The following RIC1 variants were observed in gnomAD, a reference collection of about 807,000 sequenced individuals.
The protein encoded by RIC1 is guanine nucleotide exchange factor subunit RIC1.
RIC1 carries 88 observed loss-of-function variants against 169.0 expected under a neutral mutation model. The observed-to-expected ratio is 0.52, with a 90% CI of 0.44 to 0.62. RIC1 has a LOEUF of 0.62. Ranked by LOEUF, RIC1 falls within the 20% of genes least tolerant of loss-of-function variation. The probability of loss-of-function intolerance (pLI) is 0.00; values close to 1 mark genes in which losing one functional copy is unlikely to be tolerated. For missense variants in RIC1, 1,877 were observed against 1,725.5 expected, an observed-to-expected ratio of 1.09 and a Z score of -1.56; for synonymous variants, 790 against 601.5, an observed-to-expected ratio of 1.31 and a Z score of -4.59.
At chr9:5,651,119 C>G (rs901444942) in intron 1 of RIC1, among the ~76,000 whole-genome samples, 2 of 152,126 alleles carry the variant, frequency 1.3e-5, no homozygotes, top group Admixed American at 6.5e-5. Context: ...GTCTCTGGAC[C>G]CCCTCTCTGT....
chr9:5,660,602 A>G (rs1388555755), intron 2 of RIC1, among the ~76,000 whole-genome samples: 1 of 152,092 alleles, frequency 6.6e-6, no homozygotes, highest in East Asian at 1.9e-4. Context: ...TCTAATAATC[A>G]GTGATGTTGA....
Position 5,763,313 on chromosome 9 carries a change from C to T in RIC1, c.2286C>T (p.Ser762=). Residue 762 remains serine (S), a synonymous_variant, in exon 19 of 26, where the codon TCC becomes TCT. Coordinates refer to ENST00000414202, the MANE Select transcript of RIC1 (RefSeq NM_020829.4). The surrounding 1 kb of genome is among the most constrained non-coding windows in gnomAD (Gnocchi z 5.2). ...CTAGGGATCACCGCAAGCCCCATTC[C>T]TTCTTGTCCCAGCGGATCATGCTGC... ...LFPRDHRKPH[S]FLSQRIMLPF... 6.2e-7 allele frequency: 1 copy of T among 1,614,174 alleles called. No individual in the cohort carries two copies. Among genetic ancestry groups the T allele is most frequent in the Non-Finnish European group, 8.5e-7 (1 of 1,180,024 alleles).
intron 2 of RIC1, among the ~76,000 whole-genome samples, chr9:5,689,570 G>GTGTA (rs1447537835): frequency 1.3e-5 from 2 of 152,060 alleles, no homozygotes; most frequent in African/African-American, 4.8e-5. Flanking sequence ...TGTCTTAAAG[G>GTGTA]TGTAATAAAG....
intron 2 of RIC1, among the ~76,000 whole-genome samples, chr9:5,689,026 C>CT (rs1821428916): frequency 6.9e-6 from 1 of 145,486 alleles, no homozygotes. Flanking sequence ...TGTAATAGCA[C>CT]TGTTTTTAAT....
At chr9:5,771,320 C>T (rs1044523759) in intron 23 of RIC1, among the ~76,000 whole-genome samples, 1 of 152,134 alleles carries the variant, frequency 6.6e-6, no homozygotes, top group Non-Finnish European at 1.5e-5. Context: ...TAGTGTTTGT[C>T]TTTTTCTGAC....
intron 1 of RIC1, among the ~76,000 whole-genome samples, chr9:5,652,741 C>T (rs376674976): frequency 7.3e-5 from 11 of 151,574 alleles, no homozygotes; most frequent in Non-Finnish European, 1.2e-4. Context: ...TCCAGTACTG[C>T]GTTGAATAAA....
intron 1 of RIC1, among the ~76,000 whole-genome samples, chr9:5,629,822 G>A (rs973572636): frequency 6.6e-6 from 1 of 152,162 alleles, no homozygotes; most frequent in East Asian, 1.9e-4. Flanking sequence ...TTAGAAATCC[G>A]GCCGCTGTGG....
At chr9:5,719,261 C>T (rs1171709710) in intron 4 of RIC1, 1 of 152,158 alleles carries the variant, frequency 6.6e-6, no homozygotes, top group Non-Finnish European at 1.5e-5. Flanking sequence ...CTCTTCTTGC[C>T]TCCTTTGCAC....
In RIC1 at chr9:5,774,399, A is replaced by C. The variant is rs1586741584; in HGVS notation, c.*153A>C. ...TTTAACTAATTCTTTCTTGTCTAAG[A>C]AATCTTTTTGACTCCATAAAAATGT... On this transcript the variant is annotated 3_prime_UTR_variant, in exon 26 of 26. Transcript: ENST00000414202. 6.5e-6 allele frequency: 4 copies of C among 615,850 alleles called. No individual in the cohort carries two copies. In the East Asian group the frequency reaches 8.8e-5, roughly 13 times the overall value. 38.1% of individuals were successfully genotyped at this position (615,850 alleles called of 1,614,324 possible).
At chr9:5,674,812 G>A (rs1820346460) in intron 2 of RIC1, among the ~76,000 whole-genome samples, 2 of 152,104 alleles carry the variant, frequency 1.3e-5, no homozygotes, top group African/African-American at 2.4e-5. Flanking sequence ...TTCATCTTTG[G>A]AGAAAGGCAC....
At chr9:5,759,232 A>C (rs1222988287) in intron 17 of RIC1, among the ~76,000 whole-genome samples, 1 of 152,252 alleles carries the variant, frequency 6.6e-6, no homozygotes, top group Non-Finnish European at 1.5e-5. Context: ...CTGAGGAACT[A>C]ATCAGTCTTA....
intron 1 of RIC1, 73 bp from the exon 2 acceptor site, chr9:5,656,510 C>G (rs1018152148): frequency 2.2e-5 from 14 of 647,082 alleles, no homozygotes; most frequent in South Asian, 2.7e-5. Context: ...ACTCTGTTAT[C>G]TTAAATTTTA....
intron 2 of RIC1, among the ~76,000 whole-genome samples, chr9:5,668,647 C>G (rs1221855955): frequency 6.6e-6 from 1 of 152,132 alleles, no homozygotes; most frequent in Admixed American, 6.6e-5. Context: ...TCTTTTCCGT[C>G]TGCTCAAATT....
chr9:5,659,176 C>G (rs528359804), intron 2 of RIC1, among the ~76,000 whole-genome samples: 91 of 152,136 alleles, frequency 6.0e-4, no homozygotes, highest in Admixed American at 2.9e-3. Flanking sequence ...ATTGAACGGT[C>G]TTGGTAGTCT....
intron 1 of RIC1, among the ~76,000 whole-genome samples, chr9:5,651,843 C>G (rs1163749319): frequency 6.6e-6 from 1 of 152,148 alleles, no homozygotes; most frequent in African/African-American, 2.4e-5. Flanking sequence ...GCTGGGATTA[C>G]AGGCATGAGC....
rs748278413 is a variant in RIC1 at position 5,747,488 on chromosome 9, C to T, written c.1435C>T (p.His479Tyr). The change falls in exon 12 of 26, where the codon CAT becomes TAT. Residue 479 changes from histidine (H) to tyrosine (Y), a missense_variant. Physicochemically the swap from His to Tyr is moderately conservative, Grantham distance 83. This residue lies in a region of RIC1 where 1,104 missense variants were observed against 992.0 expected (regional missense o/e 1.11). Coordinates refer to ENST00000414202, the MANE Select transcript of RIC1 (RefSeq NM_020829.4). ...ATTAAGCACTTTACTTGGACATCGG[C>T]ATTGGCATGTTGTACAGGTAAATCT... ...QGLSTLLGHR[H>Y]WHVVQISSTY... 1.9e-6 allele frequency: 3 copies of T among 1,613,752 alleles called. No homozygotes were observed. Among genetic ancestry groups the T allele is most frequent in the South Asian group, 1.1e-5 (1 of 91,072 alleles).
Position 5,763,835 on chromosome 9 carries a change from G to C in RIC1, c.2808G>C (p.Leu936Phe), listed in dbSNP as rs1217022833. Residue 936 changes from leucine (L) to phenylalanine (F), a missense_variant, in exon 19 of 26, where the codon TTG becomes TTC. Physicochemically the swap from Leu to Phe is conservative, Grantham distance 22. Transcript: ENST00000414202. This position sits in a 1 kb window ranked among gnomAD's most constrained non-coding sequence, Gnocchi z 5.2. ...LFEECLMAQD[L>F]DTAASYLIIL... ...AGGAGTGTTTGATGGCTCAGGATTT[G>C]GACACAGCTGCCTCTTACCTTATTA... The C allele has an allele frequency of 1.9e-6, 3 of 1,613,872 alleles. No homozygotes were observed. Among genetic ancestry groups the C allele is most frequent in the East Asian group, 4.5e-5 (2 of 44,898 alleles).
intron 5 of RIC1, 71 bp downstream of exon 5, chr9:5,720,395 G>T (rs1004968860): frequency 6.3e-6 from 9 of 1,437,628 alleles, no homozygotes; most frequent in Non-Finnish European, 7.6e-6. Context: ...ATCTTCTATG[G>T]ATGAACACTT....
chr9:5,661,815 C>T (rs766567250), intron 2 of RIC1, among the ~76,000 whole-genome samples: 1 of 151,962 alleles, frequency 6.6e-6, no homozygotes, highest in Non-Finnish European at 1.5e-5. Flanking sequence ...ATTTGAATAC[C>T]CTTTATTTCT....
Sources: allele counts gnomAD v4.1 joint callset (sites outside exome capture counted in the v4.1 genomes callset), GRCh38; gene constraint gnomAD v4.1.1; regional missense constraint gnomAD v4.1.1; non-coding constraint Gnocchi (gnomAD v3.1); transcripts MANE v1.5; gene names NCBI Gene and HGNC (gene_info 2026-07-23, HGNC 2026-07-21).